The following ROBO2 variants were observed in gnomAD, a reference collection of about 807,000 sequenced individuals.
The protein encoded by ROBO2 is roundabout homolog 2.
In ROBO2, 53 loss-of-function variants were observed where a neutral mutation model predicts 160.8. The observed-to-expected ratio is 0.33, with a 90% confidence interval of 0.26 to 0.41. The LOEUF (loss-of-function observed/expected upper bound fraction) is 0.41, where lower values mean the gene tolerates loss of function less well. Among genes scored for constraint, ROBO2 ranks in the 10% least tolerant of loss-of-function variants. The pLI, the probability that ROBO2 is intolerant of heterozygous loss-of-function variation, is 1.00. For synonymous variants in ROBO2, 664 were observed against 611.7 expected (o/e 1.09, Z -1.26); for missense variants, 1,577 against 1,722.4 (o/e 0.92, Z 1.49).
intron 2 of ROBO2, among the ~76,000 whole-genome samples, chr3:76,590,531 C>T (rs1246573718): frequency 6.6e-6 from 1 of 152,008 alleles, no homozygotes; most frequent in Non-Finnish European, 1.5e-5. Context: ...TGAGTTGATT[C>T]AGAAAAGAAC....
In ROBO2 at chr3:76,180,228, A is replaced by G. The variant is rs1701439376; in HGVS notation, c.109+242626A>G. Among the ~76,000 whole-genome samples, 5 of 152,296 alleles carry G rather than the reference A, an allele frequency of 3.3e-5. No individual in the cohort carries two copies. In the South Asian group the frequency reaches 1.0e-3, roughly 32 times the overall value. ...TAATGTCCATCCCTCACCCAAGGCA[A>G]TGATAATCTTCCCTAATGCAAATGT... is the stretch of plus-strand genomic sequence containing the variant. On this transcript the variant is annotated intron_variant, in intron 2 of 26. Coordinates refer to the ROBO2 transcript ENST00000487694.
intron 2 of ROBO2, among the ~76,000 whole-genome samples, chr3:76,343,731 A>G (rs1188680418): frequency 1.3e-5 from 2 of 152,054 alleles, no homozygotes; most frequent in Admixed American, 6.6e-5. Flanking sequence ...GTCGAATGCA[A>G]CCATGAGGAA....
intron 2 of ROBO2, among the ~76,000 whole-genome samples, chr3:76,863,508 A>G (rs2071040997): frequency 6.6e-6 from 1 of 151,928 alleles, no homozygotes; most frequent in Admixed American, 6.6e-5. Flanking sequence ...TGAGTTATCT[A>G]TTACGCCTTC....
chr3:76,665,703 C>T (rs2091991228), intron 2 of ROBO2, among the ~76,000 whole-genome samples: 1 of 151,366 alleles, frequency 6.6e-6, no homozygotes, highest in African/African-American at 2.4e-5. Context: ...ATGACCAAGA[C>T]TCTGAGCTTA....
chr3:76,271,870 C>A (rs1283836497), intron 2 of ROBO2, among the ~76,000 whole-genome samples: 1 of 152,010 alleles, frequency 6.6e-6, no homozygotes, highest in African/African-American at 2.4e-5. Flanking sequence ...TAAAATATTT[C>A]TGAAGTGACA....
At chr3:76,221,543 C>G (rs1026119398) in intron 2 of ROBO2, among the ~76,000 whole-genome samples, 3 of 152,222 alleles carry the variant, frequency 2.0e-5, no homozygotes, top group African/African-American at 7.2e-5. Flanking sequence ...TTAATTGTGG[C>G]TGTTGATGAA....
intron 2 of ROBO2, among the ~76,000 whole-genome samples, chr3:76,225,763 G>A (rs540995096): frequency 6.6e-6 from 1 of 152,020 alleles, no homozygotes; most frequent in Non-Finnish European, 1.5e-5. Flanking sequence ...TTTTAAAAAT[G>A]TTAAAAAGAA....
intron 2 of ROBO2, among the ~76,000 whole-genome samples, chr3:77,136,479 CTTT>C (rs59688881): frequency 0.37 from 25,031 of 67,352 alleles, 3,167 homozygotes; most frequent in Middle Eastern, 0.48. Flanking sequence ...ATAAAATATG[CTTT>C]TTTTTTTTTT....
At chr3:77,095,298 G>A (rs1031326908) in intron 1 of ROBO2, among the ~76,000 whole-genome samples, 5 of 152,068 alleles carry the variant, frequency 3.3e-5, no homozygotes, top group East Asian at 1.9e-4. Context: ...AAAATTCTTC[G>A]TGTGCTCATT....
chr3:75,974,398 G>T (rs188265616), intron 2 of ROBO2, among the ~76,000 whole-genome samples: 2 of 151,654 alleles, frequency 1.3e-5, no homozygotes, highest in Admixed American at 1.3e-4. Context: ...ATAATAGGAA[G>T]AAATATTATG....
At chr3:77,501,062 C>T (rs904374109) in intron 5 of ROBO2, among the ~76,000 whole-genome samples, 7 of 152,150 alleles carry the variant, frequency 4.6e-5, no homozygotes, top group Admixed American at 1.3e-4. Flanking sequence ...TTGCCATGTG[C>T]GTAATGTCCA....
intron 15 of ROBO2, among the ~76,000 whole-genome samples, chr3:77,578,374 T>G (rs773331824): frequency 8.5e-5 from 13 of 152,084 alleles, no homozygotes; most frequent in Non-Finnish European, 1.5e-4. Flanking sequence ...AAATCATCTA[T>G]TGATATCATT....
chr3:76,256,786 G>A (rs1481570242), intron 2 of ROBO2, among the ~76,000 whole-genome samples: 1 of 151,976 alleles, frequency 6.6e-6, no homozygotes, highest in African/African-American at 2.4e-5. Flanking sequence ...GATTTAATTG[G>A]CTCATGGTTC....
intron 2 of ROBO2, among the ~76,000 whole-genome samples, chr3:77,305,303 A>G (rs1322635957): frequency 2.0e-5 from 3 of 152,232 alleles, no homozygotes; most frequent in Non-Finnish European, 2.9e-5. Context: ...AAAACAAGGG[A>G]TTTCAACTGC....
chr3:76,905,631 C>A (rs2075552013), intron 2 of ROBO2, among the ~76,000 whole-genome samples: 1 of 152,120 alleles, frequency 6.6e-6, no homozygotes, highest in East Asian at 1.9e-4. Flanking sequence ...TCATTAAAAA[C>A]AATATCCCTT....
At chr3:77,116,017 T>C (rs902147647) in intron 2 of ROBO2, among the ~76,000 whole-genome samples, 1 of 152,108 alleles carries the variant, frequency 6.6e-6, no homozygotes, top group Non-Finnish European at 1.5e-5. Flanking sequence ...TAAACAAGTG[T>C]GAATAAACAA....
chr3:76,238,589 G>A (rs1464950858), intron 2 of ROBO2, among the ~76,000 whole-genome samples: 35 of 106,430 alleles, frequency 3.3e-4, no homozygotes, highest in East Asian at 1.1e-3. Context: ...GAAGAACATG[G>A]GGAAAACCAC....
chr3:77,331,112 C>T (rs2065923810), intron 2 of ROBO2, among the ~76,000 whole-genome samples: 1 of 152,166 alleles, frequency 6.6e-6, no homozygotes, highest in African/African-American at 2.4e-5. Context: ...ATCTAGATTT[C>T]AAAATGTTCA....
chr3:77,197,729 T>A (rs1483490293), intron 2 of ROBO2, among the ~76,000 whole-genome samples: 1 of 152,232 alleles, frequency 6.6e-6, no homozygotes, highest in African/African-American at 2.4e-5. Context: ...AACCGTGAAC[T>A]GTTATTTTAT....
Sources: allele counts gnomAD v4.1 joint callset (sites outside exome capture counted in the v4.1 genomes callset), GRCh38; gene constraint gnomAD v4.1.1; transcripts MANE v1.5; gene names NCBI Gene and HGNC (gene_info 2026-07-23, HGNC 2026-07-21).